EPHA6: variants seen among roughly 807,000 people sequenced by gnomAD.
EPHA6 encodes ephrin type-A receptor 6.
EPHA6 carries 50 observed loss-of-function variants against 112.0 expected under a neutral mutation model. That is an observed-to-expected ratio of 0.45 (90% CI 0.36 to 0.56). EPHA6 has a LOEUF of 0.56. Ranked by LOEUF, EPHA6 falls within the 20% of genes least tolerant of loss-of-function variation. The pLI is 0.00. For missense variants in EPHA6, 1,280 were observed against 1,417.4 expected (o/e 0.90, Z 1.56); for synonymous variants, 529 against 490.7 (o/e 1.08, Z -1.03).
chr3:97,586,173 C>T (rs1441009737), intron 11 of EPHA6, among the ~76,000 whole-genome samples: 2 of 152,178 alleles, frequency 1.3e-5, no homozygotes, highest in African/African-American at 4.8e-5. Context: ...ATCTGTGCAT[C>T]TTCTGGTCAC....
chr3:97,201,288 T>C (rs2077571469), intron 3 of EPHA6, among the ~76,000 whole-genome samples: 1 of 152,130 alleles, frequency 6.6e-6, no homozygotes, highest in Non-Finnish European at 1.5e-5. Context: ...ACTAAACACA[T>C]CTATAAAAAT....
At chr3:97,237,544 A>G (rs2078716316) in intron 4 of EPHA6, among the ~76,000 whole-genome samples, 1 of 151,976 alleles carries the variant, frequency 6.6e-6, no homozygotes, top group Admixed American at 6.6e-5. Flanking sequence ...CTGCAGTTGT[A>G]TCTCAGAAAG....
At chr3:97,453,637 A>G (rs2090592922) in intron 7 of EPHA6, among the ~76,000 whole-genome samples, 3 of 151,710 alleles carry the variant, frequency 2.0e-5, no homozygotes, top group Admixed American at 6.6e-5. Flanking sequence ...TCAAAATAAA[A>G]TCTTATGTCG....
At chr3:96,890,603 T>G (rs889139965) in intron 2 of EPHA6, among the ~76,000 whole-genome samples, 1 of 152,188 alleles carries the variant, frequency 6.6e-6, no homozygotes, top group African/African-American at 2.4e-5. Flanking sequence ...ATGAATATAT[T>G]GGAATAATAT....
intron 2 of EPHA6, among the ~76,000 whole-genome samples, chr3:96,976,752 A>G (rs908012378): frequency 6.6e-5 from 10 of 152,164 alleles, no homozygotes; most frequent in Admixed American, 5.2e-4. Context: ...GGATAAGAAG[A>G]TATGCCACTT....
chr3:97,516,756 C>A (rs1476304475), intron 10 of EPHA6, among the ~76,000 whole-genome samples: 4 of 151,786 alleles, frequency 2.6e-5, no homozygotes, highest in African/African-American at 9.7e-5. Context: ...GGATTTTATG[C>A]AGTTAAATTA....
chr3:96,866,430 A>G (rs1285756395), intron 1 of EPHA6, among the ~76,000 whole-genome samples: 1 of 152,008 alleles, frequency 6.6e-6, no homozygotes, highest in Non-Finnish European at 1.5e-5. Context: ...CAAAAAGAGA[A>G]TCAAGAAATC....
chr3:97,037,013 C>T (rs2045124800), intron 3 of EPHA6, among the ~76,000 whole-genome samples: 1 of 151,914 alleles, frequency 6.6e-6, no homozygotes, highest in Non-Finnish European at 1.5e-5. Context: ...AGACCCCTTC[C>T]TTTTTAAGTA....
intron 6 of EPHA6, among the ~76,000 whole-genome samples, chr3:97,446,327 T>G (rs965158744): frequency 1.3e-5 from 2 of 151,846 alleles, no homozygotes; most frequent in African/African-American, 4.9e-5. Flanking sequence ...TAAGTACACT[T>G]CCTACTGTTT....
intron 4 of EPHA6, among the ~76,000 whole-genome samples, chr3:97,236,183 G>A (rs772855504): frequency 1.3e-4 from 20 of 151,890 alleles, no homozygotes; most frequent in Non-Finnish European, 2.6e-4. Flanking sequence ...CTGCCAAGAA[G>A]TCTGTTATCA....
chr3:97,601,422 T>G (rs992342508), intron 12 of EPHA6, among the ~76,000 whole-genome samples: 21 of 152,108 alleles, frequency 1.4e-4, no homozygotes, highest in African/African-American at 4.3e-4. Flanking sequence ...CCGCACAGGA[T>G]AGCATACATG....
intron 3 of EPHA6, among the ~76,000 whole-genome samples, chr3:97,209,836 C>T (rs575651347): frequency 8.8e-4 from 134 of 152,208 alleles, no homozygotes; most frequent in African/African-American, 2.9e-3. Flanking sequence ...GAGTGAGTTT[C>T]GTCAAAATGT....
intron 5 of EPHA6, among the ~76,000 whole-genome samples, chr3:97,278,007 GCTGT>G (rs1432303926): frequency 1.3e-5 from 2 of 152,180 alleles, no homozygotes; most frequent in Admixed American, 6.5e-5. Context: ...ACTGTCATAT[GCTGT>G]CTATCGTTGA....
intron 3 of EPHA6, among the ~76,000 whole-genome samples, chr3:97,035,260 T>C (rs2045044468): frequency 2.0e-5 from 3 of 152,050 alleles, no homozygotes; most frequent in South Asian, 4.1e-4. Context: ...AGCTCCCTTT[T>C]CCCCTGTCTT....
At chr3:97,678,971 A>G (rs367678884) in intron 14 of EPHA6, among the ~76,000 whole-genome samples, 28 of 152,164 alleles carry the variant, frequency 1.8e-4, no homozygotes, top group African/African-American at 6.5e-4. Flanking sequence ...ATTTCAACCC[A>G]TCTCTATTTA....
intron 3 of EPHA6, among the ~76,000 whole-genome samples, chr3:97,198,814 AAG>A (rs1250390691): frequency 1.3e-5 from 2 of 152,128 alleles, no homozygotes; most frequent in Admixed American, 1.3e-4. Flanking sequence ...TGCTTTATGT[AAG>A]AGTTAAATAA....
At chr3:97,656,229 T>C (rs1225952843) in intron 14 of EPHA6, among the ~76,000 whole-genome samples, 2 of 152,008 alleles carry the variant, frequency 1.3e-5, no homozygotes, top group Non-Finnish European at 1.5e-5. Context: ...GCTACTTCTT[T>C]AATCAAAAAG....
At chr3:97,015,004 A>T (rs556991030) in intron 3 of EPHA6, among the ~76,000 whole-genome samples, 1 of 152,260 alleles carries the variant, frequency 6.6e-6, no homozygotes, top group Non-Finnish European at 1.5e-5. Context: ...CCTTTAGTAG[A>T]TTTAATGAAC....
In EPHA6 at chr3:97,032,009, G is replaced by T. The variant is rs1576356920; in HGVS notation, c.1114+44016G>T. 2.0e-5 allele frequency among the ~76,000 whole-genome samples: 3 copies of T among 152,222 alleles called. No individual in the cohort carries two copies. The South Asian group carries it at 6.2e-4, about 32-fold the overall frequency. On this transcript the variant is annotated intron_variant, in intron 3 of 17. Coordinates refer to ENST00000389672, the MANE Select transcript of EPHA6 (RefSeq NM_001080448.3). ...AGACACATGCACACGTATGTTTATT[G>T]TGGCACTATTCACAATAGCAAAGAC...
Sources: allele counts gnomAD v4.1 joint callset (sites outside exome capture counted in the v4.1 genomes callset), GRCh38; gene constraint gnomAD v4.1.1; transcripts MANE v1.5; gene names NCBI Gene and HGNC (gene_info 2026-07-23, HGNC 2026-07-21).